ANXA8: variants seen among roughly 807,000 people sequenced by gnomAD.
ANXA8 encodes the protein VAC-beta.
ANXA8 carries 9 observed loss-of-function variants against 26.8 expected under a neutral mutation model. The ratio of observed to expected loss-of-function variants is 0.34; its 90% CI spans 0.20 to 0.59. The LOEUF (loss-of-function observed/expected upper bound fraction) is 0.59. Among genes scored for constraint, ANXA8 ranks in the 20% least tolerant of loss-of-function variants. The probability of loss-of-function intolerance (pLI) is 0.84; values close to 1 mark genes in which losing one functional copy is unlikely to be tolerated. For missense variants in ANXA8, 83 were observed against 238.5 expected, an observed-to-expected ratio of 0.35 and a Z score of 4.29; for synonymous variants, 39 against 94.8, an observed-to-expected ratio of 0.41 and a Z score of 3.42.
chr10:47,653,962 C>T, the ANXA8 span, among the ~76,000 whole-genome samples: 48 of 150,530 alleles, frequency 3.2e-4, no homozygotes, highest in Non-Finnish European at 5.9e-4. Flanking sequence ...ATATTTAAAA[C>T]AATGGGAATG....
chr10:47,733,221 CTCTT>C, the ANXA8 span, among the ~76,000 whole-genome samples: 1 of 58,190 alleles, frequency 1.7e-5, no homozygotes. Context: ...TTCTTTCTTT[CTCTT>C]TCTTTCTCTC....
At chr10:47,636,783 T>C in the ANXA8 span, among the ~76,000 whole-genome samples, 2 of 152,148 alleles carry the variant, frequency 1.3e-5, no homozygotes, top group Admixed American at 1.3e-4. Flanking sequence ...GTTATGATCA[T>C]ATCCTCAAGA....
At chr10:47,698,654 A>G in the ANXA8 span, among the ~76,000 whole-genome samples, 1 of 152,136 alleles carries the variant, frequency 6.6e-6, no homozygotes, top group East Asian at 1.9e-4. Context: ...AGCCTGGATG[A>G]TATGGTGAAA....
At chr10:47,958,111 A>G in the ANXA8 span, among the ~76,000 whole-genome samples, 1 of 150,344 alleles carries the variant, frequency 6.7e-6, no homozygotes, top group Non-Finnish European at 1.5e-5. Context: ...TAACTATTCC[A>G]TAACAAAAGA....
chr10:47,660,351 C>T, the ANXA8 span, among the ~76,000 whole-genome samples: 4 of 150,560 alleles, frequency 2.7e-5, no homozygotes, highest in South Asian at 2.1e-4. Flanking sequence ...TGAATTTGGC[C>T]TTGCCTGTAA....
the ANXA8 span, among the ~76,000 whole-genome samples, chr10:47,672,378 A>G: frequency 2.2e-4 from 33 of 152,102 alleles, no homozygotes; most frequent in African/African-American, 7.7e-4. Flanking sequence ...TCTAAGGATG[A>G]TCACACAGGT....
At chr10:47,675,965 C>T in the ANXA8 span, among the ~76,000 whole-genome samples, 4 of 150,106 alleles carry the variant, frequency 2.7e-5, no homozygotes, top group Non-Finnish European at 4.4e-5. Flanking sequence ...AATATACTAG[C>T]AGAGACCAGG....
chr10:47,733,162 T>TTTCTTTCTTTCTTTC, the ANXA8 span, among the ~76,000 whole-genome samples: 1 of 97,910 alleles, frequency 1.0e-5, no homozygotes, highest in South Asian at 4.2e-4. Flanking sequence ...TCTTTCTTTC[T>TTTCTTTCTTTCTTTC]TTCTTTCTTT....
chr10:47,615,358 A>G, the ANXA8 span, among the ~76,000 whole-genome samples: 2 of 69,096 alleles, frequency 2.9e-5, 1 homozygote, highest in Non-Finnish European at 7.3e-5. Context: ...ACAAAACAAA[A>G]AAGTAGGATA....
chr10:47,651,368 CTTATAGAGA>C, the ANXA8 span, among the ~76,000 whole-genome samples: 1 of 151,412 alleles, frequency 6.6e-6, no homozygotes, highest in East Asian at 1.9e-4. Context: ...GGGTTCCTTA[CTTATAGAGA>C]TGTAAAATGA....
the ANXA8 span, among the ~76,000 whole-genome samples, chr10:47,733,919 A>G: frequency 3.9e-5 from 6 of 152,308 alleles, no homozygotes; most frequent in Non-Finnish European, 5.9e-5. Context: ...TTTTTTCAAA[A>G]CCATCATCAG....
chr10:47,945,721 GA>G, the ANXA8 span, among the ~76,000 whole-genome samples: 1 of 132,524 alleles, frequency 7.5e-6, no homozygotes, highest in Non-Finnish European at 1.6e-5. Flanking sequence ...ACCAGGCCGA[GA>G]GCAAGACAAC....
At chr10:47,706,004 G>T in the ANXA8 span, among the ~76,000 whole-genome samples, 3,548 of 113,500 alleles carry the variant, frequency 0.031, 91 homozygotes, top group African/African-American at 0.12. Context: ...GGCGTGTTGT[G>T]GGGGGGGAGG....
chr10:47,564,131 A>T, the ANXA8 span: 1 of 448,830 alleles, frequency 2.2e-6, no homozygotes, highest in Non-Finnish European at 3.9e-6. Context: ...AGCACCCCCG[A>T]GGTGAGCGCA....
the ANXA8 span, among the ~76,000 whole-genome samples, chr10:47,490,120 CA>C: frequency 1.3e-5 from 2 of 150,986 alleles, no homozygotes; most frequent in Non-Finnish European, 2.9e-5. Flanking sequence ...GCGCCTGCCT[CA>C]GGTTGGTTTC....
chr10:47,671,062 TA>T, the ANXA8 span, among the ~76,000 whole-genome samples: 4 of 151,866 alleles, frequency 2.6e-5, no homozygotes, highest in Non-Finnish European at 5.9e-5. Context: ...TGAAGTTAGT[TA>T]CACCAATAAC....
At chr10:47,588,799 GTCTTTCTCTCTCTTT>G in the ANXA8 span, 1 of 135,080 alleles carries the variant, frequency 7.4e-6, no homozygotes, top group Non-Finnish European at 1.5e-5. Flanking sequence ...CACCCTCACT[GTCTTTCTCTCTCTTT>G]TTTTTTTTTT....
the ANXA8 span, among the ~76,000 whole-genome samples, chr10:47,732,961 A>G: frequency 6.7e-6 from 1 of 149,796 alleles, no homozygotes; most frequent in Admixed American, 6.6e-5. Flanking sequence ...AGCCAAGGCA[A>G]AAGAGGTAAC....
At chr10:47,744,942 C>T in the ANXA8 span, among the ~76,000 whole-genome samples, 1 of 151,882 alleles carries the variant, frequency 6.6e-6, no homozygotes, top group East Asian at 1.9e-4. Flanking sequence ...ATGTCCAATC[C>T]CATGTAGGAG....
Sources: gnomAD v4.1 joint callset for allele counts (sites outside exome capture counted in the v4.1 genomes callset) on GRCh38, gnomAD v4.1.1 for gene constraint, MANE v1.5 for transcripts, NCBI Gene and HGNC (gene_info 2026-07-23, HGNC 2026-07-21) for gene names.